SLC9A7: variants seen among roughly 807,000 people sequenced by gnomAD.
The protein encoded by SLC9A7 is solute carrier family 9 member A7.
SLC9A7 carries 19 observed loss-of-function variants against 52.6 expected under a neutral mutation model. The ratio of observed to expected loss-of-function variants is 0.36; its 90% CI spans 0.25 to 0.53. The LOEUF is 0.53. SLC9A7 is among the 20% of genes least tolerant of loss of function. The pLI is 0.91. For synonymous variants in SLC9A7, 226 were observed against 252.1 expected (o/e 0.90, Z 0.98); for missense variants, 455 against 597.9 (o/e 0.76, Z 2.49).
chrX:46,662,634 A>G lies in SLC9A7; in HGVS notation c.803T>C (p.Leu268Pro). 8.3e-7 allele frequency: 1 copy of G among 1,203,346 alleles called. No homozygotes were observed. ...TGCATGCAATTCATTAAATATCGCC[A>G]GCACAGTCACTGAAAAGTGAGCCGA... ...IISATDPVTVLAIFNELHADV... is the reference protein window; with the variant it reads ...IISATDPVTVPAIFNELHADV... Residue 268 changes from leucine (L) to proline (P), a missense_variant, in exon 6 of 17, where the codon CTG (leucine) becomes CCG (proline). Physicochemically the swap from Leu to Pro is moderately conservative, Grantham distance 98. This residue lies in a region of SLC9A7 where 304 missense variants were observed against 417.8 expected (regional missense o/e 0.73). Coordinates refer to ENST00000616978, the MANE Select transcript of SLC9A7 (RefSeq NM_001257291.2).
At chrX:46,738,095 GAAAGAAAGAAAGA>G (rs1921002635) in intron 1 of SLC9A7, among the ~76,000 whole-genome samples, 1 of 56,667 alleles carries the variant, frequency 1.8e-5, no homozygotes, top group African/African-American at 4.4e-5. Context: ...AAGAAAGAAA[GAAAGAAAGAAAGA>G]GAAAAGAAAA....
chrX:46,669,703 C>T lies in SLC9A7; in HGVS notation c.697G>A (p.Val233Met). 1 of 1,141,357 alleles carries T rather than the reference C, an allele frequency of 8.8e-7. No homozygotes were observed. Among genetic ancestry groups the T allele is most frequent in the East Asian group, 3.1e-5 (1 of 32,278 alleles). The allele number at this position is 1,141,357 out of a possible 1,213,427, so 94.1% of individuals were successfully genotyped here. Residue 233 changes from valine (V) to methionine (M), a missense_variant, in exon 5 of 17, where the codon GTG becomes ATG. Val to Met is a conservative substitution (Grantham distance 21). Around this residue, in one of 3 missense-constraint regions of SLC9A7, gnomAD observed 304 missense variants for 417.8 expected, o/e 0.73. Transcript: ENST00000616978. ...CFIIGNLMYG[V>M]VKLMKIMGQL... is the part of the protein sequence containing the mutation. ...CCCATAATCTTCATGAGCTTCACCA[C>T]ACCATACATGAGATTTCTGTAAGAA...
At position 46,669,598 on chromosome X, in the gene SLC9A7, G is replaced by A. The variant is rs1943985196; in HGVS notation, c.793+9C>T. On this transcript the variant is annotated intron_variant, in intron 5 of 16. Coordinates refer to ENST00000616978, the MANE Select transcript of SLC9A7 (RefSeq NM_001257291.2). ...ATAATAATAAAGACAAATACACAAA[G>A]CCAAATACCTGGGTCAGTGGCAGAG... 9.8e-7 allele frequency: 1 copy of A among 1,020,481 alleles called. No individual in the cohort carries two copies. Among genetic ancestry groups the A allele is most frequent in the Non-Finnish European group, 1.3e-6 (1 of 745,715 alleles). The allele number at this position is 1,020,481 out of a possible 1,213,427, so 84.1% of individuals were successfully genotyped here. A position where few individuals can be genotyped will look rare whatever the true frequency, so the allele number is the denominator to read the frequency against.
At chrX:46,646,921 T>C (rs948519760) in intron 11 of SLC9A7, 30 of 317,470 alleles carry the variant, frequency 9.4e-5, no homozygotes, top group Non-Finnish European at 1.7e-4. Flanking sequence ...GAGGGGTACA[T>C]ACCTGCGATC....
chrX:46,648,496 G>A (rs1354370218), intron 11 of SLC9A7, among the ~76,000 whole-genome samples, 190 bp downstream of exon 11: 1 of 111,855 alleles, frequency 8.9e-6, no homozygotes, highest in Admixed American at 9.5e-5. Flanking sequence ...TTCACATTTG[G>A]TAGTACGGTT....
rs1346181087 is a variant in SLC9A7, at chrX:46,600,688, CTGTT to C, written c.*6260_*6263del. 8.9e-6 allele frequency: 1 copy of C among 112,322 alleles called. No individual in the cohort carries two copies. Among genetic ancestry groups the C allele is most frequent in the Non-Finnish European group, 1.9e-5 (1 of 53,266 alleles). The allele number at this position is 112,322 out of a possible 1,213,427, so 9.3% of individuals were successfully genotyped here. A position where few individuals can be genotyped will look rare whatever the true frequency, so the allele number is the denominator to read the frequency against. The stretch of plus-strand genomic sequence containing the variant: ...CTATGAAAATTGACACTGGAAAAAA[CTGTT>C]TATCTCTAGGTCTTGTTTTGAAAGG... On this transcript the variant is annotated 3_prime_UTR_variant, in exon 17 of 17. Transcript: ENST00000616978.
intron 12 of SLC9A7, among the ~76,000 whole-genome samples, chrX:46,638,829 A>G (rs969551592): frequency 8.9e-6 from 1 of 112,780 alleles, no homozygotes; most frequent in African/African-American, 3.2e-5. Flanking sequence ...CTTCCAGAAA[A>G]AAAAAGAGTC....
At chrX:46,687,541 T>C (rs1339263811) in intron 1 of SLC9A7, among the ~76,000 whole-genome samples, 1 of 112,060 alleles carries the variant, frequency 8.9e-6, no homozygotes, top group African/African-American at 3.2e-5. Flanking sequence ...TTTACATGAC[T>C]TGGATTTTGA....
At chrX:46,661,164 T>A (rs1317849251) in intron 7 of SLC9A7, among the ~76,000 whole-genome samples, 1 of 108,221 alleles carries the variant, frequency 9.2e-6, no homozygotes, top group South Asian at 4.2e-4. Flanking sequence ...TAGGTGGGAA[T>A]TGAACAATGA....
chrX:46,711,363 A>T (rs1441598048), intron 1 of SLC9A7, among the ~76,000 whole-genome samples: 1 of 112,354 alleles, frequency 8.9e-6, no homozygotes, highest in East Asian at 2.8e-4. Flanking sequence ...ACAAACATAC[A>T]GATTCTTCAT....
At chrX:46,699,074 A>T (rs1202607525) in intron 1 of SLC9A7, among the ~76,000 whole-genome samples, 1 of 112,052 alleles carries the variant, frequency 8.9e-6, no homozygotes, top group Non-Finnish European at 1.9e-5. Flanking sequence ...CTCCAATCCA[A>T]TGCCCCTCTT....
At position 46,606,792 on chromosome X, in the gene SLC9A7, T is replaced by C. The variant is rs755327442; in HGVS notation, c.*160A>G. ...AGACACTTTTGCCTCACCATCTGCA[T>C]TGTGAGTTAAATTTTAAGTGTTACA... On this transcript the variant is annotated 3_prime_UTR_variant, in exon 17 of 17. Coordinates refer to ENST00000616978, the MANE Select transcript of SLC9A7 (RefSeq NM_001257291.2). The C allele has an allele frequency of 1.1e-5, 12 of 1,107,160 alleles. No homozygotes were observed. In the African/African-American group the frequency reaches 1.9e-4, roughly 17 times the overall value. 91.2% of individuals were successfully genotyped at this position (1,107,160 alleles called of 1,213,427 possible).
chrX:46,631,760 T>C, intron 13 of SLC9A7, 111 bp from the exon 14 acceptor site: 1 of 565,098 alleles, frequency 1.8e-6, no homozygotes, highest in Non-Finnish European at 3.0e-6. Context: ...TCCCGAAGCA[T>C]AAGGAGTGGT....
chrX:46,612,792 G>T (rs1349882328), intron 16 of SLC9A7, among the ~76,000 whole-genome samples: 1 of 108,670 alleles, frequency 9.2e-6, no homozygotes, highest in Non-Finnish European at 1.9e-5. Context: ...CCGGTGTGGT[G>T]GCAGGCGCCT....
At chrX:46,641,628 T>C (rs955439509) in intron 12 of SLC9A7, among the ~76,000 whole-genome samples, 2 of 112,304 alleles carry the variant, frequency 1.8e-5, no homozygotes, top group African/African-American at 3.2e-5. Flanking sequence ...AGGTTTATAT[T>C]CTCAAAGATG....
chrX:46,632,616 C>T (rs1003013623), intron 13 of SLC9A7, among the ~76,000 whole-genome samples: 1 of 111,341 alleles, frequency 9.0e-6, no homozygotes, highest in African/African-American at 3.3e-5. Flanking sequence ...ATCCCCCTTG[C>T]CCCTGATATT....
rs1943835028 is a variant in SLC9A7, at chrX:46,662,177, G to A, written c.900-20C>T. 8.4e-7 allele frequency: 1 copy of A among 1,191,628 alleles called. No individual in the cohort carries two copies. The highest frequency in any genetic ancestry group is 1.8e-5 in the African/African-American group (1 of 56,301). On this transcript the variant is annotated intron_variant, in intron 6 of 16. Transcript: ENST00000616978. ...ATAGACCTAAAGTTTAAAAACAAGA[G>A]ACAGTTTTAAAAGACTGCACAGGTT...
At chrX:46,688,918 T>C (rs1296599662) in intron 1 of SLC9A7, among the ~76,000 whole-genome samples, 1 of 111,850 alleles carries the variant, frequency 8.9e-6, no homozygotes, top group Non-Finnish European at 1.9e-5. Flanking sequence ...TTGAAAATAT[T>C]TTCCCCAAAT....
intron 1 of SLC9A7, among the ~76,000 whole-genome samples, chrX:46,741,846 G>GA (rs1299488910): frequency 5.2e-4 from 52 of 100,749 alleles, no homozygotes; most frequent in South Asian, 8.7e-4. Context: ...ATACTGAAAA[G>GA]AAAAAAAAAA....
Sources: gnomAD v4.1 joint callset for allele counts (sites outside exome capture counted in the v4.1 genomes callset) on GRCh38, gnomAD v4.1.1 for gene constraint, gnomAD v4.1.1 regional missense constraint, MANE v1.5 for transcripts, NCBI Gene and HGNC (gene_info 2026-07-23, HGNC 2026-07-21) for gene names.